The following TNR variants were observed in gnomAD, a reference collection of about 807,000 sequenced individuals.
The protein encoded by TNR is tenascin R.
Under a neutral mutation model 150.4 loss-of-function variants are expected in TNR, and 45 were observed. The ratio of observed to expected loss-of-function variants is 0.30; its 90% CI spans 0.24 to 0.38. TNR has a LOEUF of 0.38. Ranked by LOEUF, TNR falls within the 10% of genes least tolerant of loss-of-function variation. The pLI is 1.00. For missense variants in TNR, 1,544 were observed against 1,759.1 expected (o/e 0.88, Z 2.19); for synonymous variants, 687 against 678.4 (o/e 1.01, Z -0.20).
At chr1:175,374,337 A>T (rs1290023326) in intron 9 of TNR, among the ~76,000 whole-genome samples, 2 of 152,146 alleles carry the variant, frequency 1.3e-5, no homozygotes, top group Non-Finnish European at 2.9e-5. Flanking sequence ...CATGATCAGG[A>T]CGTACTTGCA....
chr1:175,736,558 G>A (rs1056362792), intron 1 of TNR, among the ~76,000 whole-genome samples: 23 of 151,848 alleles, frequency 1.5e-4, no homozygotes, highest in African/African-American at 5.6e-4. Context: ...TAGGCTTTTC[G>A]GGGGTGAGGG....
Position 175,344,840 on chromosome 1 carries a change from C to A in TNR, c.3383-7161G>T, listed in dbSNP as rs566815010. ...GGAAATAGAACAAGAGGGAACATTGCGCAACTCATTCATTGCAGCCAGCAT... is the reference window on the plus strand; with the variant it reads ...GGAAATAGAACAAGAGGGAACATTGAGCAACTCATTCATTGCAGCCAGCAT... On this transcript the variant is annotated intron_variant, in intron 18 of 22. Transcript: ENST00000367674. Among the ~76,000 whole-genome samples the A allele has an allele frequency of 5.3e-5, 8 of 152,136 alleles. No homozygotes were observed. In the East Asian group the frequency reaches 1.4e-3, roughly 26 times the overall value.
chr1:175,593,657 A>G (rs562405783), intron 1 of TNR, among the ~76,000 whole-genome samples: 1 of 152,292 alleles, frequency 6.6e-6, no homozygotes, highest in South Asian at 2.1e-4. Context: ...ATTGTATTCC[A>G]AAAGAGCCTG....
At position 175,523,137 on chromosome 1, in the gene TNR, C is replaced by G. The variant is rs1359119614; in HGVS notation, c.-64+5132G>C. Among the ~76,000 whole-genome samples, 4 of 152,200 alleles carry G rather than the reference C, an allele frequency of 2.6e-5. No homozygotes were observed. In the East Asian group the frequency reaches 7.7e-4, roughly 29 times the overall value. ...TTCAATCAATACAATCATCTGTTCT[C>G]TCCTTTCAACCACTTCCCTTGACTG... On this transcript the variant is annotated intron_variant, in intron 2 of 22. Coordinates refer to ENST00000367674, the MANE Select transcript of TNR (RefSeq NM_003285.3).
chr1:175,350,343 GC>G (rs2102001807), intron 18 of TNR, among the ~76,000 whole-genome samples: 1 of 152,306 alleles, frequency 6.6e-6, no homozygotes, highest in South Asian at 2.1e-4. Flanking sequence ...CTTAGGACAA[GC>G]TTTAGTGAGA....
intron 2 of TNR, among the ~76,000 whole-genome samples, chr1:175,466,313 G>A (rs1166496141): frequency 6.6e-6 from 1 of 152,142 alleles, no homozygotes; most frequent in Non-Finnish European, 1.5e-5. Flanking sequence ...TTTTCTGATG[G>A]TTTTCAATTT....
intron 1 of TNR, among the ~76,000 whole-genome samples, chr1:175,665,516 G>A (rs1665510888): frequency 6.6e-6 from 1 of 152,186 alleles, no homozygotes; most frequent in African/African-American, 2.4e-5. Flanking sequence ...GGACAGCAAG[G>A]GACCCAGAGA....
At chr1:175,446,586 T>A (rs565594823) in intron 2 of TNR, among the ~76,000 whole-genome samples, 3 of 152,346 alleles carry the variant, frequency 2.0e-5, no homozygotes, top group African/African-American at 7.2e-5. Flanking sequence ...CATACATTAT[T>A]AATAGTAGCC....
intron 1 of TNR, among the ~76,000 whole-genome samples, chr1:175,632,770 G>T (rs1205175516): frequency 6.6e-6 from 1 of 152,136 alleles, no homozygotes; most frequent in Non-Finnish European, 1.5e-5. Flanking sequence ...ATGGGAAGTT[G>T]GCGACCTGCC....
intron 2 of TNR, among the ~76,000 whole-genome samples, chr1:175,433,301 C>T (rs1009544334): frequency 2.0e-5 from 3 of 152,222 alleles, no homozygotes; most frequent in African/African-American, 7.2e-5. Flanking sequence ...TCACTAACCT[C>T]ATCAAAAAAT....
At chr1:175,541,524 T>G (rs980539857) in intron 1 of TNR, among the ~76,000 whole-genome samples, 2 of 152,230 alleles carry the variant, frequency 1.3e-5, no homozygotes, top group African/African-American at 4.8e-5. Flanking sequence ...CTTTCAGTAC[T>G]GATTAACCAC....
chr1:175,467,760 T>A (rs1190723249), intron 2 of TNR, among the ~76,000 whole-genome samples: 2 of 152,206 alleles, frequency 1.3e-5, no homozygotes, highest in Non-Finnish European at 2.9e-5. Flanking sequence ...CTTCCCACCC[T>A]CATGAGGCTC....
chr1:175,619,375 C>A (rs151094605), intron 1 of TNR, among the ~76,000 whole-genome samples: 217 of 152,252 alleles, frequency 1.4e-3, no homozygotes, highest in South Asian at 3.1e-3. Flanking sequence ...CCTCCCAGGA[C>A]AATGGCCCAG....
intron 1 of TNR, among the ~76,000 whole-genome samples, chr1:175,667,498 C>T (rs1039725130): frequency 5.3e-5 from 8 of 152,206 alleles, no homozygotes; most frequent in African/African-American, 1.9e-4. Flanking sequence ...GGGAATTATG[C>T]CATATGCTGG....
chr1:175,496,576 T>C (rs1330072928), intron 2 of TNR, among the ~76,000 whole-genome samples: 2 of 152,238 alleles, frequency 1.3e-5, no homozygotes, highest in African/African-American at 4.8e-5. Context: ...ATTTATTAAC[T>C]GCTGATTCTG....
At chr1:175,576,987 C>A (rs1261879850) in intron 1 of TNR, among the ~76,000 whole-genome samples, 1 of 152,176 alleles carries the variant, frequency 6.6e-6, no homozygotes, top group Non-Finnish European at 1.5e-5. Flanking sequence ...GGTAATTAGC[C>A]AAAGAAGGGC....
intron 1 of TNR, among the ~76,000 whole-genome samples, chr1:175,715,570 A>C (rs1163100070): frequency 6.6e-6 from 1 of 151,848 alleles, no homozygotes; most frequent in Non-Finnish European, 1.5e-5. Context: ...AGCTCTTGGG[A>C]CTCTTGAAGG....
chr1:175,550,253 A>T (rs1271288939), intron 1 of TNR, among the ~76,000 whole-genome samples: 1 of 152,196 alleles, frequency 6.6e-6, no homozygotes, highest in East Asian at 1.9e-4. Flanking sequence ...AAACCGGAAG[A>T]CTAGGCAGGA....
At chr1:175,340,388 C>G (rs992707146) in intron 18 of TNR, among the ~76,000 whole-genome samples, 3 of 152,244 alleles carry the variant, frequency 2.0e-5, no homozygotes, top group Non-Finnish European at 4.4e-5. Context: ...ATTTTGCTCA[C>G]ACAGACTATC....
Sources: gnomAD v4.1 joint callset for allele counts (sites outside exome capture counted in the v4.1 genomes callset) on GRCh38, gnomAD v4.1.1 for gene constraint, MANE v1.5 for transcripts, NCBI Gene and HGNC (gene_info 2026-07-23, HGNC 2026-07-21) for gene names.